LMX1B: variants seen among roughly 807,000 people sequenced by gnomAD.
The protein encoded by LMX1B is LIM homeobox transcription factor 1-beta.
Under a neutral mutation model 51.4 loss-of-function variants are expected in LMX1B, and 12 were observed. That is an observed-to-expected ratio of 0.23 (90% CI 0.15 to 0.38). LMX1B has a LOEUF of 0.38. Among genes scored for constraint, LMX1B ranks in the 10% least tolerant of loss-of-function variants. The pLI, the probability that LMX1B is intolerant of heterozygous loss-of-function variation, is 1.00. For missense variants in LMX1B, 445 were observed against 571.1 expected (o/e 0.78, Z 2.25); for synonymous variants, 237 against 235.4 (o/e 1.01, Z -0.06).
rs185486113 is a variant in LMX1B, at chr9:126,675,464, C to G, written c.327-15372C>G. Among the ~76,000 whole-genome samples, 338 of 152,266 alleles carry G rather than the reference C, an allele frequency of 2.2e-3. 3 individuals are homozygous for G. The highest frequency in any genetic ancestry group is 3.2e-3 in the Non-Finnish European group (218 of 68,014). On this transcript the variant is annotated intron_variant, in intron 2 of 7. Transcript: ENST00000373474. The stretch of plus-strand genomic sequence containing the variant: ...AATGTTGGCCGGGTGCGGTGGCTCA[C>G]GCCTGTAATCCCAGCACTTTGGGAG...
chr9:126,671,515 A>G lies in LMX1B; in HGVS notation c.327-19321A>G, dbSNP rs1329768501. On this transcript the variant is annotated intron_variant, in intron 2 of 7. Coordinates refer to ENST00000373474, the MANE Select transcript of LMX1B (RefSeq NM_001174147.2). This position sits in a 1 kb window ranked among gnomAD's most constrained non-coding sequence, Gnocchi z 4.4. Reference sequence around the variant, plus strand: ...CCGCAGTAATCGCAGGCTGATTCCAACTAATTAAATCCTGCGCCAAGAGCC... The same window carrying G: ...CCGCAGTAATCGCAGGCTGATTCCAGCTAATTAAATCCTGCGCCAAGAGCC... 2.0e-5 allele frequency among the ~76,000 whole-genome samples: 3 copies of G among 152,032 alleles called. No homozygotes were observed. Among genetic ancestry groups the G allele is most frequent in the East Asian group, 1.9e-4 (1 of 5,146 alleles).
At chr9:126,654,968 C>T (rs935274185) in intron 2 of LMX1B, among the ~76,000 whole-genome samples, 5 of 152,228 alleles carry the variant, frequency 3.3e-5, no homozygotes, top group South Asian at 4.1e-4. Context: ...GCCATACCCC[C>T]ATCCCCCACA....
chr9:126,663,437 A>G (rs1333533184), intron 2 of LMX1B, among the ~76,000 whole-genome samples: 2 of 151,066 alleles, frequency 1.3e-5, no homozygotes, highest in African/African-American at 4.9e-5. Context: ...AAAAAAAAAA[A>G]AGAAAAAAAA....
In LMX1B at chr9:126,696,597, A is replaced by G; in HGVS notation, c.*146A>G. 2.2e-6 allele frequency: 2 copies of G among 893,530 alleles called. No individual in the cohort carries two copies. The highest frequency in any genetic ancestry group is 3.5e-6 in the Non-Finnish European group (2 of 573,386). 55.4% of individuals were successfully genotyped at this position (893,530 alleles called of 1,614,324 possible). ...TCCCCTCGGCCAGCTGGGCCTGACCACTGTGCCCGTTGGGTACAGCCAGAC... is the reference window on the plus strand; with the variant it reads ...TCCCCTCGGCCAGCTGGGCCTGACCGCTGTGCCCGTTGGGTACAGCCAGAC... On this transcript the variant is annotated 3_prime_UTR_variant, in exon 8 of 8. Coordinates refer to ENST00000373474, the MANE Select transcript of LMX1B (RefSeq NM_001174147.2).
At chr9:126,639,376 T>A (rs963587563) in intron 2 of LMX1B, among the ~76,000 whole-genome samples, 10 of 152,090 alleles carry the variant, frequency 6.6e-5, no homozygotes, top group Non-Finnish European at 1.0e-4. Flanking sequence ...AGCAGGTGAA[T>A]CTGATTCTCC....
Position 126,614,570 on chromosome 9 carries a change from A to C in LMX1B, c.121A>C (p.Thr41Pro). Residue 41 changes from threonine to proline, a missense_variant, in exon 1 of 8, where the codon ACT (threonine) becomes CCT (proline). This residue lies in a region of LMX1B where 273 missense variants were observed against 343.3 expected (regional missense o/e 0.80). Transcript: ENST00000373474. ...GCACGCCCTGCGCCCCGGGCCCGCC[A>C]CTCTGGGGGTGCTGCTGGGTGAGTG... ...EEHALRPGPA[T>P]LGVLLGSDCP... 1 of 1,599,958 alleles carries C rather than the reference A, an allele frequency of 6.3e-7. No homozygotes were observed. The highest frequency in any genetic ancestry group is 2.3e-5 in the East Asian group (1 of 44,056).
rs1836579520 is a variant in LMX1B at position 126,677,193 on chromosome 9, C to A, written c.327-13643C>A. Reference sequence around the variant, plus strand: ...ACCCAGGGATGTGGTCCCCCAGATTCTCTTCTCCATCCCTGGGAGAGGGTC... The same window carrying A: ...ACCCAGGGATGTGGTCCCCCAGATTATCTTCTCCATCCCTGGGAGAGGGTC... On this transcript the variant is annotated intron_variant, in intron 2 of 7. Coordinates refer to ENST00000373474, the MANE Select transcript of LMX1B (RefSeq NM_001174147.2). The surrounding 1 kb of genome is among the most constrained non-coding windows in gnomAD (Gnocchi z 5.0). Among the ~76,000 whole-genome samples, 1 of 152,194 alleles carries A rather than the reference C, an allele frequency of 6.6e-6. No homozygotes were observed. Among genetic ancestry groups the A allele is most frequent in the Non-Finnish European group, 1.5e-5 (1 of 68,034 alleles).
intron 2 of LMX1B, among the ~76,000 whole-genome samples, chr9:126,654,551 G>A (rs1236734371): frequency 6.6e-6 from 1 of 152,240 alleles, no homozygotes; most frequent in Non-Finnish European, 1.5e-5. Context: ...CCAGCCAGGG[G>A]CTGGAGCAGG....
At chr9:126,649,485 A>G (rs1361976142) in intron 2 of LMX1B, among the ~76,000 whole-genome samples, 2 of 152,220 alleles carry the variant, frequency 1.3e-5, no homozygotes, top group African/African-American at 2.4e-5. Flanking sequence ...AGCCTGTTCA[A>G]CTATGGATTG....
chr9:126,613,962 C>T lies in LMX1B; in HGVS notation c.-488C>T, dbSNP rs1271457277. 6.8e-6 allele frequency among the ~76,000 whole-genome samples: 1 copy of T among 146,048 alleles called. No individual in the cohort carries two copies. Among genetic ancestry groups the T allele is most frequent in the Non-Finnish European group, 1.5e-5 (1 of 65,774 alleles). On this transcript the variant is annotated 5_prime_UTR_variant, in exon 1 of 8. Coordinates refer to ENST00000373474, the MANE Select transcript of LMX1B (RefSeq NM_001174147.2). The surrounding 1 kb of genome is among the most constrained non-coding windows in gnomAD (Gnocchi z 4.5). ...TCTAAACCCGGCGGCTCAGCGGGCG[C>T]ACCATGGCACTGGAGTAGCGCGGGG... is the stretch of plus-strand genomic sequence containing the variant.
At chr9:126,666,647 G>A (rs946984702) in intron 2 of LMX1B, among the ~76,000 whole-genome samples, 1 of 152,228 alleles carries the variant, frequency 6.6e-6, no homozygotes, top group Admixed American at 6.5e-5. Context: ...CATGTTCTAT[G>A]TGCTGTACGC....
intron 2 of LMX1B, among the ~76,000 whole-genome samples, chr9:126,620,274 G>A (rs1835382486): frequency 6.6e-6 from 1 of 152,144 alleles, no homozygotes. Flanking sequence ...CATGAAAAGA[G>A]CTTTAGACTC....
At chr9:126,692,744 C>T (rs889241308) in intron 3 of LMX1B, among the ~76,000 whole-genome samples, 1 of 152,264 alleles carries the variant, frequency 6.6e-6, no homozygotes, top group African/African-American at 2.4e-5. Context: ...TGTGCACAAC[C>T]GTGCGTGCAC....
At position 126,658,439 on chromosome 9, in the gene LMX1B, C is replaced by T. The variant is rs1247726778; in HGVS notation, c.327-32397C>T. The stretch of plus-strand genomic sequence containing the variant: ...ACCCCCTGCCCTCCCTGCCGCCTGC[C>T]AGCCCCCTCCCTCTGGTCCACATTC... On this transcript the variant is annotated intron_variant, in intron 2 of 7. Transcript: ENST00000373474. The surrounding 1 kb of genome is among the most constrained non-coding windows in gnomAD (Gnocchi z 4.0). Among the ~76,000 whole-genome samples, 1 of 152,154 alleles carries T rather than the reference C, an allele frequency of 6.6e-6. No homozygotes were observed. Among genetic ancestry groups the T allele is most frequent in the Non-Finnish European group, 1.5e-5 (1 of 68,030 alleles).
chr9:126,661,721 A>T (rs1163918834), intron 2 of LMX1B, among the ~76,000 whole-genome samples: 1 of 151,604 alleles, frequency 6.6e-6, no homozygotes, highest in Admixed American at 6.6e-5. Flanking sequence ...TTGAGCAGGC[A>T]CCTGAGAATG....
intron 2 of LMX1B, among the ~76,000 whole-genome samples, chr9:126,622,163 T>C (rs528469195): frequency 6.6e-6 from 1 of 152,242 alleles, no homozygotes; most frequent in Non-Finnish European, 1.5e-5. Flanking sequence ...ATTGGGAGCT[T>C]GGCTCGGACC....
In LMX1B at chr9:126,626,235, C is replaced by T. The variant is rs1253897430; in HGVS notation, c.326+10666C>T. The stretch of plus-strand genomic sequence containing the variant: ...GGGGACGCCAGAGTGCACGCAGTCT[C>T]CTGCGCGCCGAGCCCAGGCTCCGGG... On this transcript the variant is annotated intron_variant, in intron 2 of 7. Transcript: ENST00000373474. This position sits in a 1 kb window ranked among gnomAD's most constrained non-coding sequence, Gnocchi z 4.3. 3.9e-5 allele frequency among the ~76,000 whole-genome samples: 6 copies of T among 152,242 alleles called. No individual in the cohort carries two copies. The highest frequency in any genetic ancestry group is 1.4e-4 in the African/African-American group (6 of 41,480).
rs1836446846 is a variant in LMX1B at position 126,671,369 on chromosome 9, C to A, written c.327-19467C>A. On this transcript the variant is annotated intron_variant, in intron 2 of 7. Transcript: ENST00000373474. The surrounding 1 kb of genome is among the most constrained non-coding windows in gnomAD (Gnocchi z 4.4). ...CAGAAGGCCCGCCAGGCCCACAGCC[C>A]TCCCCTCCCAGCAGCTGGGCCCGGG... is the stretch of plus-strand genomic sequence containing the variant. Among the ~76,000 whole-genome samples, 1 of 152,124 alleles carries A rather than the reference C, an allele frequency of 6.6e-6. No homozygotes were observed. The highest frequency in any genetic ancestry group is 1.5e-5 in the Non-Finnish European group (1 of 67,994).
intron 2 of LMX1B, among the ~76,000 whole-genome samples, chr9:126,669,741 G>A (rs1836415909): frequency 1.3e-5 from 2 of 152,074 alleles, no homozygotes; most frequent in South Asian, 4.2e-4. Context: ...ATGTGTTAAG[G>A]TATGTGTCCA....
Sources: allele counts gnomAD v4.1 joint callset (sites outside exome capture counted in the v4.1 genomes callset), GRCh38; gene constraint gnomAD v4.1.1; regional missense constraint gnomAD v4.1.1; non-coding constraint Gnocchi (gnomAD v3.1); transcripts MANE v1.5; gene names NCBI Gene and HGNC (gene_info 2026-07-23, HGNC 2026-07-21).